Variants in ACIN1 observed in about 807,000 individuals in gnomAD.
The protein encoded by ACIN1 is apoptotic chromatin condensation inducer 1.
ACIN1 carries 16 observed loss-of-function variants against 146.6 expected under a neutral mutation model. The ratio of observed to expected loss-of-function variants is 0.11; its 90% CI spans 0.07 to 0.17. The LOEUF (loss-of-function observed/expected upper bound fraction) is 0.17, where lower values mean the gene tolerates loss of function less well. Among genes scored for constraint, ACIN1 ranks in the 10% least tolerant of loss-of-function variants. The pLI is 1.00. For missense variants in ACIN1, 1,357 were observed against 1,609.3 expected, an observed-to-expected ratio of 0.84 and a Z score of 2.68; for synonymous variants, 569 against 582.7, an observed-to-expected ratio of 0.98 and a Z score of 0.34.
chr14:23,088,128 GAT>G (rs1476115401), intron 4 of ACIN1, among the ~76,000 whole-genome samples: 3 of 152,166 alleles, frequency 2.0e-5, no homozygotes, highest in Admixed American at 6.5e-5. Context: ...CTCTCACAGA[GAT>G]ATGTATGCAG....
In ACIN1 at chr14:23,066,230, T is replaced by C. The variant is rs1167632945; in HGVS notation, c.2266-222A>G. 1.0e-5 allele frequency: 5 copies of C among 500,518 alleles called. No homozygotes were observed. In the Admixed American group the frequency reaches 1.5e-4, roughly 15 times the overall value. 31.0% of individuals were successfully genotyped at this position (500,518 alleles called of 1,614,324 possible). Reference sequence around the variant, plus strand: ...TGCAAGTTAGAGAAAAAAATAAAACTAAACATCAGAGCAGGGAAAAGTCAT... The same window carrying C: ...TGCAAGTTAGAGAAAAAAATAAAACCAAACATCAGAGCAGGGAAAAGTCAT... On this transcript the variant is annotated intron_variant, in intron 9 of 18. Transcript: ENST00000605057.
At chr14:23,085,516 A>G (rs1017054003) in intron 4 of ACIN1, among the ~76,000 whole-genome samples, 1 of 152,194 alleles carries the variant, frequency 6.6e-6, no homozygotes, top group Non-Finnish European at 1.5e-5. Context: ...CTGGATGATT[A>G]CTCCTCTGGA....
rs1594752584 is a variant in ACIN1, at chr14:23,068,095, G to C, written c.2265+1381C>G. ...GACCAAAGGAAAGTCCATCTGATGA[G>C]CAAGTGGTGACACATGGGCTGGGCT... On this transcript the variant is annotated intron_variant, in intron 9 of 18. Coordinates refer to ENST00000605057, the MANE Select transcript of ACIN1 (RefSeq NM_001386863.1). This position sits in a 1 kb window ranked among gnomAD's most constrained non-coding sequence, Gnocchi z 4.3. 2 of 985,896 alleles carry C rather than the reference G, an allele frequency of 2.0e-6. No homozygotes were observed. Among genetic ancestry groups the C allele is most frequent in the Non-Finnish European group, 2.4e-6 (2 of 829,974 alleles). The allele number at this position is 985,896 out of a possible 1,614,324, so 61.1% of individuals were successfully genotyped here. A position where few individuals can be genotyped will look rare whatever the true frequency, so the allele number is the denominator to read the frequency against.
At position 23,060,705 on chromosome 14, in the gene ACIN1, G is replaced by A. The variant is rs1307948524; in HGVS notation, c.3525+379C>T. ...TTTTGTTATTTTTAGTAGAGACAGGGTTTCCATGTTGGCCAGACTGGTCTG... is the reference window on the plus strand; with the variant it reads ...TTTTGTTATTTTTAGTAGAGACAGGATTTCCATGTTGGCCAGACTGGTCTG... On this transcript the variant is annotated intron_variant, in intron 18 of 18. Coordinates refer to ENST00000605057, the MANE Select transcript of ACIN1 (RefSeq NM_001386863.1). Among the ~76,000 whole-genome samples the A allele has an allele frequency of 5.9e-5, 9 of 152,170 alleles. No homozygotes were observed. In the South Asian group the frequency reaches 6.2e-4, roughly 11 times the overall value.
intron 10 of ACIN1, among the ~76,000 whole-genome samples, chr14:23,065,320 G>T (rs1410283825): frequency 6.6e-6 from 1 of 152,216 alleles, no homozygotes; most frequent in African/African-American, 2.4e-5. Context: ...AGGCACGATG[G>T]CTCACGCCTG....
chr14:23,072,568 T>C (rs964470784), intron 8 of ACIN1, among the ~76,000 whole-genome samples: 1 of 152,236 alleles, frequency 6.6e-6, no homozygotes, highest in African/African-American at 2.4e-5. Flanking sequence ...AAGTGCTCAG[T>C]AGATACTCAA....
At chr14:23,092,758 G>C (rs1362747845) in intron 2 of ACIN1, among the ~76,000 whole-genome samples, 2 of 152,154 alleles carry the variant, frequency 1.3e-5, no homozygotes, top group Non-Finnish European at 2.9e-5. Context: ...ATTTTATGCA[G>C]AAACTCAATA....
At chr14:23,081,944 T>C in intron 4 of ACIN1, 108 bp from the exon 5 acceptor site, 1 of 771,494 alleles carries the variant, frequency 1.3e-6, no homozygotes, top group Non-Finnish European at 2.1e-6. Context: ...TATGAGCCTA[T>C]CAAGACATAT....
chr14:23,068,292 C>G lies in ACIN1; in HGVS notation c.2265+1184G>C. 2.0e-6 allele frequency: 2 copies of G among 985,964 alleles called. No homozygotes were observed. Among genetic ancestry groups the G allele is most frequent in the Non-Finnish European group, 2.4e-6 (2 of 829,992 alleles). The allele number at this position is 985,964 out of a possible 1,614,324, so 61.1% of individuals were successfully genotyped here. On this transcript the variant is annotated intron_variant, in intron 9 of 18. Coordinates refer to ENST00000605057, the MANE Select transcript of ACIN1 (RefSeq NM_001386863.1). The surrounding 1 kb of genome is among the most constrained non-coding windows in gnomAD (Gnocchi z 4.3). ...GGGGATCCCAACAGTCTGTAGCAAA[C>G]AAGGCAACCCACAGTCCTCAAAAGG...
At chr14:23,090,783 A>G in intron 2 of ACIN1, 150 bp from the exon 3 acceptor site, 2 of 575,032 alleles carry the variant, frequency 3.5e-6, no homozygotes, top group East Asian at 2.9e-5. Flanking sequence ...AGTTAGTTCT[A>G]TATTGAAGAA....
Position 23,063,421 on chromosome 14 carries a change from C to A in ACIN1, c.2737+15G>T. The A allele has an allele frequency of 6.2e-7, 1 of 1,612,364 alleles. No individual in the cohort carries two copies. The highest frequency in any genetic ancestry group is 1.3e-5 in the African/African-American group (1 of 75,014). ...AGGGAGCCGCATTACATTTCTCTCA[C>A]AATATGTCACTCACCTTTCTTTACT... On this transcript the variant is annotated intron_variant, in intron 13 of 18. Transcript: ENST00000605057.
At chr14:23,064,072 C>G (rs1285821772) in intron 12 of ACIN1, 33 bp downstream of exon 12, 1 of 1,612,472 alleles carries the variant, frequency 6.2e-7, no homozygotes, top group Non-Finnish European at 8.5e-7. Context: ...CTGCTCCCAC[C>G]TTTCCCCTGA....
At chr14:23,089,872 A>G in intron 4 of ACIN1, 110 bp downstream of exon 4, 1 of 1,339,500 alleles carries the variant, frequency 7.5e-7, no homozygotes, top group Non-Finnish European at 9.8e-7. Context: ...AATGTCACAG[A>G]ATTTCCCTGG....
intron 8 of ACIN1, among the ~76,000 whole-genome samples, chr14:23,075,323 C>CCTT (rs1555372709): frequency 1.3e-4 from 17 of 133,348 alleles, no homozygotes; most frequent in African/African-American, 4.6e-4. Flanking sequence ...CTTTCTTCCC[C>CCTT]TTTTTTTTTT....
At chr14:23,073,778 C>T (rs1260188825) in intron 8 of ACIN1, among the ~76,000 whole-genome samples, 1 of 152,176 alleles carries the variant, frequency 6.6e-6, no homozygotes, top group African/African-American at 2.4e-5. Context: ...AAAATACTCT[C>T]AGCTGCTAAT....
chr14:23,078,129 C>T, intron 8 of ACIN1, 22 bp downstream of exon 8: 1 of 1,605,598 alleles, frequency 6.2e-7, no homozygotes, highest in Non-Finnish European at 8.5e-7. Context: ...CTGTTATACC[C>T]CGGTCGAGAT....
intron 10 of ACIN1, chr14:23,064,815 A>C: frequency 5.0e-6 from 1 of 200,856 alleles, no homozygotes; most frequent in Non-Finnish European, 1.0e-5. Context: ...AATTGCTTGA[A>C]CCCGGGAGGC....
At chr14:23,069,648 G>GGGGGGGGGGGGC in intron 8 of ACIN1, 31 bp from the exon 9 acceptor site, 6 of 589,306 alleles carry the variant, frequency 1.0e-5, no homozygotes, top group Non-Finnish European at 1.9e-5. Flanking sequence ...TGGTGGGGGG[G>GGGGGGGGGGGGC]CGGGCAGAAA....
chr14:23,069,740 G>A, intron 8 of ACIN1, 123 bp from the exon 9 acceptor site: 1 of 869,446 alleles, frequency 1.2e-6, no homozygotes, highest in South Asian at 1.8e-5. Flanking sequence ...GGGATTAGGA[G>A]GGCTGCTTTT....
Sources: gnomAD v4.1 joint callset for allele counts (sites outside exome capture counted in the v4.1 genomes callset) on GRCh38, gnomAD v4.1.1 for gene constraint, Gnocchi (gnomAD v3.1) non-coding constraint, MANE v1.5 for transcripts, NCBI Gene and HGNC (gene_info 2026-07-23, HGNC 2026-07-21) for gene names.